The following HNRNPC variants were observed in gnomAD, a reference collection of about 807,000 sequenced individuals.
The protein encoded by HNRNPC is heterogeneous nuclear ribonucleoproteins C1/C2.
Under a neutral mutation model 33.2 loss-of-function variants are expected in HNRNPC, and 3 were observed. The ratio of observed to expected loss-of-function variants is 0.09; its 90% confidence interval spans 0.04 to 0.23. The LOEUF (loss-of-function observed/expected upper bound fraction) is 0.23. HNRNPC is among the 10% of genes least tolerant of loss of function. HNRNPC has a pLI of 1.00. For synonymous variants in HNRNPC, 121 were observed against 126.7 expected (o/e 0.96, Z 0.30); for missense variants, 143 against 366.7 (o/e 0.39, Z 4.98).
intron 2 of HNRNPC, among the ~76,000 whole-genome samples, chr14:21,239,799 G>T (rs1264429228): frequency 6.6e-6 from 1 of 151,770 alleles, no homozygotes; most frequent in Non-Finnish European, 1.5e-5. Context: ...CCTTGAACCC[G>T]TGAGGTGGAG....
At chr14:21,228,134 G>C (rs140772548) in intron 5 of HNRNPC, among the ~76,000 whole-genome samples, 2 of 152,292 alleles carry the variant, frequency 1.3e-5, no homozygotes, top group East Asian at 3.9e-4. Context: ...GTGCAGAAAG[G>C]GTTAAAGGGC....
intron 5 of HNRNPC, among the ~76,000 whole-genome samples, chr14:21,217,672 G>C (rs1892338613): frequency 6.6e-6 from 1 of 152,144 alleles, no homozygotes; most frequent in Non-Finnish European, 1.5e-5. Context: ...AATTGGTTCT[G>C]TAATATTCTA....
At chr14:21,259,378 G>C (rs1303357381) in intron 2 of HNRNPC, among the ~76,000 whole-genome samples, 1 of 152,026 alleles carries the variant, frequency 6.6e-6, no homozygotes, top group Non-Finnish European at 1.5e-5. Context: ...TTCCCTCAAT[G>C]ATCTATAATA....
chr14:21,226,042 G>C (rs928871102), intron 5 of HNRNPC, among the ~76,000 whole-genome samples: 3 of 152,092 alleles, frequency 2.0e-5, no homozygotes, highest in African/African-American at 7.3e-5. Flanking sequence ...GTTGGGCCAG[G>C]TGCAGTGGCT....
At chr14:21,256,274 T>C (rs546287190) in intron 2 of HNRNPC, among the ~76,000 whole-genome samples, 2 of 152,066 alleles carry the variant, frequency 1.3e-5, no homozygotes, top group African/African-American at 2.4e-5. Context: ...GGTGCAACCC[T>C]GTCTCTACTA....
chr14:21,249,903 T>A (rs1028078478), intron 2 of HNRNPC, among the ~76,000 whole-genome samples: 11 of 152,200 alleles, frequency 7.2e-5, no homozygotes, highest in African/African-American at 2.7e-4. Flanking sequence ...TTTACCTAGG[T>A]TAAGATTTAA....
chr14:21,224,066 G>C (rs1227817053), intron 5 of HNRNPC, among the ~76,000 whole-genome samples: 1 of 151,974 alleles, frequency 6.6e-6, no homozygotes, highest in Non-Finnish European at 1.5e-5. Context: ...TAAGTATTTT[G>C]GCACTCTCTC....
chr14:21,267,728 T>C (rs1293724896), intron 1 of HNRNPC, among the ~76,000 whole-genome samples: 5 of 152,186 alleles, frequency 3.3e-5, no homozygotes, highest in African/African-American at 9.6e-5. Context: ...CTGATATACA[T>C]ACTGACCGGA....
chr14:21,237,328 A>G (rs150192467), intron 2 of HNRNPC, among the ~76,000 whole-genome samples: 14 of 152,366 alleles, frequency 9.2e-5, no homozygotes, highest in African/African-American at 2.9e-4. Flanking sequence ...AACGTGATGC[A>G]TTTGAAGCAT....
chr14:21,249,029 TAGA>T (rs1319820001), intron 2 of HNRNPC, among the ~76,000 whole-genome samples: 4 of 152,246 alleles, frequency 2.6e-5, no homozygotes, highest in Admixed American at 6.5e-5. Context: ...ACAAGTTATC[TAGA>T]AGATTACATA....
rs150156168 is a variant in HNRNPC at position 21,222,883 on chromosome 14, G to C, written c.365+7436C>G. ...CACTCCAGCCTGGGCGACAGAGGGA[G>C]ACTCCGTCTCAAAAAAAAACCAAAA... On this transcript the variant is annotated intron_variant, in intron 5 of 8. Coordinates refer to ENST00000553300, the MANE Select transcript of HNRNPC (RefSeq NM_004500.4). Among the ~76,000 whole-genome samples, 1,248 of 151,692 alleles carry C rather than the reference G, an allele frequency of 8.2e-3. 19 individuals are homozygous for C. Among genetic ancestry groups the C allele is most frequent in the African/African-American group, 0.028 (1,169 of 41,302 alleles).
intron 4 of HNRNPC, 89 bp from the exon 5 acceptor site, chr14:21,230,455 C>G: frequency 1.2e-6 from 1 of 862,238 alleles, no homozygotes. Flanking sequence ...CCAAATAAAC[C>G]ACAACAAATA....
intron 2 of HNRNPC, among the ~76,000 whole-genome samples, chr14:21,241,094 C>T (rs1183599695): frequency 6.6e-6 from 1 of 151,880 alleles, no homozygotes; most frequent in African/African-American, 2.4e-5. Flanking sequence ...CGTGGTGAAA[C>T]CCTGTCTCTA....
chr14:21,212,928 A>T, intron 6 of HNRNPC, 32 bp downstream of exon 6: 5 of 1,612,098 alleles, frequency 3.1e-6, no homozygotes, highest in Non-Finnish European at 4.2e-6. Flanking sequence ...AACACAAGAG[A>T]TACCAAAATC....
chr14:21,228,465 C>T (rs891242986), intron 5 of HNRNPC, among the ~76,000 whole-genome samples: 1 of 152,154 alleles, frequency 6.6e-6, no homozygotes, highest in African/African-American at 2.4e-5. Flanking sequence ...GATCTCAACT[C>T]ACTGAAACCT....
At chr14:21,260,369 T>TAAA (rs11345053) in intron 2 of HNRNPC, among the ~76,000 whole-genome samples, 2 of 122,208 alleles carry the variant, frequency 1.6e-5, no homozygotes, top group Admixed American at 8.3e-5. Flanking sequence ...CCGTCTTATT[T>TAAA]AAAAAAAAAA....
intron 2 of HNRNPC, among the ~76,000 whole-genome samples, chr14:21,241,827 AC>A: frequency 6.6e-6 from 1 of 152,216 alleles, no homozygotes; most frequent in Non-Finnish European, 1.5e-5. Context: ...CTCTGAGAAA[AC>A]AGTAATACCT....
intron 2 of HNRNPC, among the ~76,000 whole-genome samples, chr14:21,248,172 A>C (rs1251050719): frequency 6.6e-6 from 1 of 152,108 alleles, no homozygotes; most frequent in Non-Finnish European, 1.5e-5. Context: ...GCAAGACCTT[A>C]TCTCCACCAA....
intron 5 of HNRNPC, among the ~76,000 whole-genome samples, chr14:21,219,917 G>A (rs561474713): frequency 2.0e-5 from 3 of 152,152 alleles, no homozygotes; most frequent in African/African-American, 7.2e-5. Flanking sequence ...AGACAAAAAC[G>A]CTGGCCACAT....
Sources: allele counts gnomAD v4.1 joint callset (sites outside exome capture counted in the v4.1 genomes callset), GRCh38; gene constraint gnomAD v4.1.1; transcripts MANE v1.5; gene names NCBI Gene and HGNC (gene_info 2026-07-23, HGNC 2026-07-21).